ITPRIP: variants seen among roughly 807,000 people sequenced by gnomAD.
The protein encoded by ITPRIP is inositol 1,4,5-trisphosphate receptor-interacting protein.
A neutral mutation model predicts 35.8 loss-of-function variants in ITPRIP; 32 were observed. That is an observed-to-expected ratio of 0.89 (90% CI 0.68 to 1.20). ITPRIP has a LOEUF of 1.20. Among genes scored for constraint, ITPRIP ranks in the 50% most tolerant of loss-of-function variants. The pLI, the probability that ITPRIP is intolerant of heterozygous loss-of-function variation, is 0.00. For missense variants in ITPRIP, 653 were observed against 735.6 expected (o/e 0.89, Z 1.30); for synonymous variants, 358 against 324.0 (o/e 1.11, Z -1.13).
intron 1 of ITPRIP, among the ~76,000 whole-genome samples, chr10:104,332,052 C>T (rs2014160846): frequency 6.6e-6 from 1 of 152,210 alleles, no homozygotes; most frequent in Non-Finnish European, 1.5e-5. Context: ...GAGAGCAAAT[C>T]TAAATTCGAA....
chr10:104,313,915 AT>A lies in ITPRIP; in HGVS notation c.*492del, dbSNP rs2013555960. On this transcript the variant is annotated 3_prime_UTR_variant, in exon 2 of 2. Coordinates refer to ENST00000337478, the MANE Select transcript of ITPRIP (RefSeq NM_001272013.2). ...ATGCGGATCAAAGGTGGACATTCCC[AT>A]ATCTGTCCCTGTTAGTGCTTTGGCT... The A allele has an allele frequency of 8.1e-6, 8 of 988,670 alleles. No individual in the cohort carries two copies. The highest frequency in any genetic ancestry group is 8.4e-6 in the Non-Finnish European group (7 of 832,154). 61.2% of individuals were successfully genotyped at this position (988,670 alleles called of 1,614,324 possible). A position where few individuals can be genotyped will look rare whatever the true frequency, so the allele number is the denominator to read the frequency against.
chr10:104,336,697 C>T lies in ITPRIP; in HGVS notation c.-14+1549G>A, dbSNP rs115804006. On this transcript the variant is annotated intron_variant, in intron 1 of 1. Transcript: ENST00000337478. The stretch of plus-strand genomic sequence containing the variant: ...AAGCTCTGGGAAGACAGGCAGCCAC[C>T]CAGCCCAGACTCTTTCCTAACTGTT... 7.7e-3 allele frequency among the ~76,000 whole-genome samples: 1,170 copies of T among 152,218 alleles called. 10 individuals carry two copies. The highest frequency in any genetic ancestry group is 0.026 in the African/African-American group (1,097 of 41,508).
rs2013644708 is a variant in ITPRIP at position 104,315,524 on chromosome 10, C to T, written c.528G>A (p.Arg176=). The change falls in exon 2 of 2, where the codon AGG becomes AGA. Residue 176 remains arginine (R), a synonymous_variant. Coordinates refer to ENST00000337478, the MANE Select transcript of ITPRIP (RefSeq NM_001272013.2). The surrounding 1 kb of genome is among the most constrained non-coding windows in gnomAD (Gnocchi z 5.7). ...TGTCGGTGTCCCGGTTGCAGAGGCT[C>T]CTCAGGGCTTCCAGCAAGTCATCCA... is the stretch of plus-strand genomic sequence containing the variant. ...GFVDDLLEAL[R]SLCNRDTDME... 1 of 1,614,250 alleles carries T rather than the reference C, an allele frequency of 6.2e-7. No individual in the cohort carries two copies. Among genetic ancestry groups the T allele is most frequent in the Non-Finnish European group, 8.5e-7 (1 of 1,180,038 alleles).
chr10:104,331,292 C>T (rs2014142472), intron 1 of ITPRIP, among the ~76,000 whole-genome samples: 1 of 152,234 alleles, frequency 6.6e-6, no homozygotes, highest in Non-Finnish European at 1.5e-5. Flanking sequence ...CCCCTGCCTC[C>T]TTGGGAACTT....
At position 104,315,865 on chromosome 10, in the gene ITPRIP, C is replaced by T; in HGVS notation, c.187G>A (p.Ala63Thr). Residue 63 changes from alanine (A) to threonine (T), a missense_variant, in exon 2 of 2, where the codon GCG becomes ACG. By Grantham distance (58) the Ala-to-Thr change is moderately conservative. Transcript: ENST00000337478. This position sits in a 1 kb window ranked among gnomAD's most constrained non-coding sequence, Gnocchi z 5.7. ...TGCTCCAGTGCCTCCTTTTCGGCCG[C>T]CAGCCGAGCCACCTCCTCCTCCAGG... The part of the protein sequence containing the change: ...LRLEEEVARL[A>T]AEKEALEQVA... The T allele has an allele frequency of 1.9e-6, 3 of 1,613,316 alleles. No homozygotes were observed. Among genetic ancestry groups the T allele is most frequent in the Non-Finnish European group, 2.5e-6 (3 of 1,179,558 alleles).
chr10:104,315,869 C>A lies in ITPRIP; in HGVS notation c.183G>T (p.Arg61=). The A allele has an allele frequency of 6.2e-7, 1 of 1,613,320 alleles. No individual in the cohort carries two copies. The highest frequency in any genetic ancestry group is 2.2e-5 in the East Asian group (1 of 44,866). Residue 61 remains arginine, a synonymous_variant, in exon 2 of 2, where the codon CGG becomes CGT. Coordinates refer to ENST00000337478, the MANE Select transcript of ITPRIP (RefSeq NM_001272013.2). The surrounding 1 kb of genome is among the most constrained non-coding windows in gnomAD (Gnocchi z 5.7). ...CCAGTGCCTCCTTTTCGGCCGCCAGCCGAGCCACCTCCTCCTCCAGGCGCA... is the reference window on the plus strand; with the variant it reads ...CCAGTGCCTCCTTTTCGGCCGCCAGACGAGCCACCTCCTCCTCCAGGCGCA... ...EQLRLEEEVA[R]LAAEKEALEQ...
intron 1 of ITPRIP, among the ~76,000 whole-genome samples, chr10:104,332,929 A>C (rs1295514109): frequency 6.6e-6 from 1 of 152,232 alleles, no homozygotes; most frequent in African/African-American, 2.4e-5. Flanking sequence ...GCATTTCATC[A>C]TAACGCTCCA....
In ITPRIP at chr10:104,315,494, C is replaced by G. The variant is rs752920991; in HGVS notation, c.558G>C (p.Glu186Asp). ...RSLCNRDTDM[E>D]VEDFIGVDSM... ...TGTCCACGCCAATGAAGTCCTCCAC[C>G]TCCATGTCGGTGTCCCGGTTGCAGA... Residue 186 changes from glutamate (E) to aspartate (D), a missense_variant, in exon 2 of 2, where the codon GAG (glutamate) becomes GAC (aspartate). Coordinates refer to ENST00000337478, the MANE Select transcript of ITPRIP (RefSeq NM_001272013.2). This position sits in a 1 kb window ranked among gnomAD's most constrained non-coding sequence, Gnocchi z 5.7. 6.2e-7 allele frequency: 1 copy of G among 1,614,198 alleles called. No homozygotes were observed. Among genetic ancestry groups the G allele is most frequent in the Non-Finnish European group, 8.5e-7 (1 of 1,179,998 alleles).
Position 104,314,689 on chromosome 10 carries a change from C to G in ITPRIP, c.1363G>C (p.Asp455His). The change falls in exon 2 of 2, where the codon GAC becomes CAC. Residue 455 changes from aspartate (D) to histidine (H), a missense_variant. Coordinates refer to ENST00000337478, the MANE Select transcript of ITPRIP (RefSeq NM_001272013.2). ...QAADWKAGQL[D>H]ARLHELLCFL... ...CACAGCAACTCGTGCAGACGAGCGT[C>G]CAGCTGCCCCGCCTTCCAGTCGGCG... The G allele has an allele frequency of 1.2e-6, 2 of 1,613,822 alleles. No individual in the cohort carries two copies. The highest frequency in any genetic ancestry group is 1.7e-6 in the Non-Finnish European group (2 of 1,179,882).
chr10:104,319,310 G>C (rs1385655123), intron 1 of ITPRIP, among the ~76,000 whole-genome samples: 1 of 152,206 alleles, frequency 6.6e-6, no homozygotes, highest in Non-Finnish European at 1.5e-5. Context: ...CCTCTCCTCA[G>C]CATCTACAGG....
At chr10:104,327,061 C>T (rs1439113791) in intron 1 of ITPRIP, 2 of 152,380 alleles carry the variant, frequency 1.3e-5, no homozygotes, top group African/African-American at 4.8e-5. Flanking sequence ...ACTGCAGTCT[C>T]AAAGCGCAAT....
intron 1 of ITPRIP, among the ~76,000 whole-genome samples, chr10:104,321,683 C>G (rs2013848553): frequency 6.6e-6 from 1 of 151,868 alleles, no homozygotes; most frequent in Non-Finnish European, 1.5e-5. Flanking sequence ...ACACTAACCA[C>G]TGTAAGTTTC....
In ITPRIP at chr10:104,314,572, C is replaced by T. The variant is rs374132492; in HGVS notation, c.1480G>A (p.Val494Met). Residue 494 changes from valine (V) to methionine (M), a missense_variant, in exon 2 of 2, where the codon GTG becomes ATG. Transcript: ENST00000337478. Reference sequence around the variant, plus strand: ...AGGTTGAGGGGCTCGGCCCTGAGCACGGCCTCAGGGAGTCCCATGGCCTCA... The same window carrying T: ...AGGTTGAGGGGCTCGGCCCTGAGCATGGCCTCAGGGAGTCCCATGGCCTCA... ...VPEAMGLPEA[V>M]LRAEPLNLFR... 1.0e-4 allele frequency: 168 copies of T among 1,614,090 alleles called. No homozygotes were observed. The Admixed American group carries it at 1.4e-3, about 14-fold the overall frequency.
rs1314611936 is a variant in ITPRIP, at chr10:104,309,749, T to C, written c.*4659A>G. ...AAAGGACTAAAAGGATGCATATATA[T>C]ATACATACATGTGACACATACACAG... is the stretch of plus-strand genomic sequence containing the variant. On this transcript the variant is annotated 3_prime_UTR_variant, in exon 2 of 2. Coordinates refer to ENST00000337478, the MANE Select transcript of ITPRIP (RefSeq NM_001272013.2). 6.6e-6 allele frequency: 1 copy of C among 152,124 alleles called. No homozygotes were observed. The highest frequency in any genetic ancestry group is 1.5e-5 in the Non-Finnish European group (1 of 68,034). 9.4% of individuals were successfully genotyped at this position (152,124 alleles called of 1,614,324 possible).
intron 1 of ITPRIP, among the ~76,000 whole-genome samples, chr10:104,319,128 G>T (rs966975122): frequency 1.7e-4 from 26 of 152,248 alleles, no homozygotes. Flanking sequence ...AGACCCAGCA[G>T]ACCTGTGTTC....
chr10:104,314,782 C>A lies in ITPRIP; in HGVS notation c.1270G>T (p.Gly424Cys). The A allele has an allele frequency of 6.2e-7, 1 of 1,613,842 alleles. No individual in the cohort carries two copies. The highest frequency in any genetic ancestry group is 1.1e-5 in the South Asian group (1 of 91,078). Reference protein sequence around the residue: ...FLLSKQSRLTGPSGLSSYHLK... With the variant: ...FLLSKQSRLTCPSGLSSYHLK... ...TGGTAGCTGCTGAGCCCGCTGGGAC[C>A]GGTCAGGCGGCTCTGCTTGGAGAGC... The change falls in exon 2 of 2, where the codon GGT (glycine) becomes TGT (cysteine). Residue 424 changes from glycine to cysteine, a missense_variant. Gly to Cys is a radical substitution (Grantham distance 159). Transcript: ENST00000337478.
intron 1 of ITPRIP, 58 bp from the exon 2 acceptor site, chr10:104,316,122 G>A: frequency 7.1e-7 from 1 of 1,405,416 alleles, no homozygotes; most frequent in Admixed American, 2.5e-5. Context: ...CTTCGTCCCT[G>A]GGCCCCGCAC....
In ITPRIP at chr10:104,328,494, G is replaced by A. The variant is rs531518383; in HGVS notation, c.-14+9752C>T. Among the ~76,000 whole-genome samples, 1 of 152,114 alleles carries A rather than the reference G, an allele frequency of 6.6e-6. No individual in the cohort carries two copies. The highest frequency in any genetic ancestry group is 1.5e-5 in the Non-Finnish European group (1 of 68,026). On this transcript the variant is annotated intron_variant, in intron 1 of 1. Coordinates refer to ENST00000337478, the MANE Select transcript of ITPRIP (RefSeq NM_001272013.2). This position sits in a 1 kb window ranked among gnomAD's most constrained non-coding sequence, Gnocchi z 4.1. ...CTTTCTCAGTGGGACAGGGAGGGGA[G>A]GCTGCACGCTTAGACGCAGGCTCTG... is the stretch of plus-strand genomic sequence containing the variant.
chr10:104,328,778 G>C lies in ITPRIP; in HGVS notation c.-14+9468C>G, dbSNP rs556841904. On this transcript the variant is annotated intron_variant, in intron 1 of 1. Coordinates refer to ENST00000337478, the MANE Select transcript of ITPRIP (RefSeq NM_001272013.2). This position sits in a 1 kb window ranked among gnomAD's most constrained non-coding sequence, Gnocchi z 4.1. Reference sequence around the variant, plus strand: ...AAAGACACTCTGCCTCTAGGAGATGGGGGAGGATGAACCCCCCAAGGCCTT... The same window carrying C: ...AAAGACACTCTGCCTCTAGGAGATGCGGGAGGATGAACCCCCCAAGGCCTT... The C allele has an allele frequency of 9.2e-5, 14 of 152,264 alleles. No homozygotes were observed. The highest frequency in any genetic ancestry group is 3.4e-4 in the African/African-American group (14 of 41,478). 9.4% of individuals were successfully genotyped at this position (152,264 alleles called of 1,614,324 possible). A position where few individuals can be genotyped will look rare whatever the true frequency, so the allele number is the denominator to read the frequency against.
Sources: gnomAD v4.1 joint callset for allele counts (sites outside exome capture counted in the v4.1 genomes callset) on GRCh38, gnomAD v4.1.1 for gene constraint, Gnocchi (gnomAD v3.1) non-coding constraint, MANE v1.5 for transcripts, NCBI Gene and HGNC (gene_info 2026-07-23, HGNC 2026-07-21) for gene names.